DTNBP1: variants seen among roughly 807,000 people sequenced by gnomAD.
The protein encoded by DTNBP1 is dysbindin.
In DTNBP1, 35 loss-of-function variants were observed where a neutral mutation model predicts 42.8. The ratio of observed to expected loss-of-function variants is 0.82; its 90% confidence interval spans 0.63 to 1.09. The LOEUF (loss-of-function observed/expected upper bound fraction) is 1.09, where lower values mean the gene tolerates loss of function less well. DTNBP1 is among the 50% of genes least tolerant of loss of function. DTNBP1 has a pLI of 0.00. For missense variants in DTNBP1, 457 were observed against 424.2 expected, an observed-to-expected ratio of 1.08 and a Z score of -0.68; for synonymous variants, 171 against 162.2, an observed-to-expected ratio of 1.05 and a Z score of -0.41.
At chr6:15,550,804 A>G (rs1041990209) in intron 7 of DTNBP1, among the ~76,000 whole-genome samples, 5 of 152,196 alleles carry the variant, frequency 3.3e-5, no homozygotes, top group African/African-American at 1.2e-4. Context: ...CCTCCCAGGC[A>G]GGCTGGTGTT....
chr6:15,618,310 A>C (rs1758829139), intron 5 of DTNBP1, among the ~76,000 whole-genome samples: 1 of 152,218 alleles, frequency 6.6e-6, no homozygotes, highest in Non-Finnish European at 1.5e-5. Context: ...ACAATGAGAT[A>C]TCATCTCACC....
At chr6:15,531,394 C>A (rs946117889) in intron 8 of DTNBP1, among the ~76,000 whole-genome samples, 1 of 152,152 alleles carries the variant, frequency 6.6e-6, no homozygotes, top group Non-Finnish European at 1.5e-5. Flanking sequence ...GAATCCTGCA[C>A]GTATGCTCGG....
At chr6:15,524,426 T>C (rs1772202019) in intron 9 of DTNBP1, 100 bp downstream of exon 9, 2 of 1,614,014 alleles carry the variant, frequency 1.2e-6, no homozygotes, top group African/African-American at 2.7e-5. Context: ...CTTGGGGGTT[T>C]ATGCGTAAGT....
intron 9 of DTNBP1, 168 bp downstream of exon 9, chr6:15,524,358 C>G (rs762411807): frequency 3.1e-6 from 5 of 1,613,336 alleles, no homozygotes; most frequent in African/African-American, 2.7e-5. Flanking sequence ...ACCACTGTTG[C>G]AGCTGCCACA....
chr6:15,564,307 C>T (rs554950109), intron 7 of DTNBP1, among the ~76,000 whole-genome samples: 13 of 152,034 alleles, frequency 8.6e-5, no homozygotes, highest in Non-Finnish European at 1.5e-4. Flanking sequence ...TACTGTAAAT[C>T]GTATATCTGA....
At chr6:15,582,927 A>T (rs993153433) in intron 7 of DTNBP1, among the ~76,000 whole-genome samples, 1 of 152,316 alleles carries the variant, frequency 6.6e-6, no homozygotes, top group African/African-American at 2.4e-5. Context: ...CTTAGGGTAA[A>T]CACCATTTTC....
intron 5 of DTNBP1, among the ~76,000 whole-genome samples, chr6:15,620,864 G>C (rs1167151645): frequency 6.6e-6 from 1 of 152,180 alleles, no homozygotes; most frequent in African/African-American, 2.4e-5. Context: ...TCTGTGAAGA[G>C]AGAGCTAACA....
chr6:15,539,995 C>T (rs1285314433), intron 7 of DTNBP1, among the ~76,000 whole-genome samples: 1 of 152,102 alleles, frequency 6.6e-6, no homozygotes, highest in Non-Finnish European at 1.5e-5. Context: ...ACAATGTTGG[C>T]CAATAGCTGG....
At chr6:15,589,963 C>T (rs539172789) in intron 7 of DTNBP1, among the ~76,000 whole-genome samples, 2 of 152,278 alleles carry the variant, frequency 1.3e-5, no homozygotes, top group South Asian at 4.1e-4. Context: ...GAGTCTTACT[C>T]TGTTGCCAAG....
At chr6:15,559,804 A>G (rs1774739314) in intron 7 of DTNBP1, among the ~76,000 whole-genome samples, 1 of 152,214 alleles carries the variant, frequency 6.6e-6, no homozygotes, top group Admixed American at 6.5e-5. Flanking sequence ...CTCATCTGCC[A>G]TATTCACTTG....
intron 5 of DTNBP1, among the ~76,000 whole-genome samples, chr6:15,626,583 A>G (rs1317096336): frequency 1.3e-5 from 2 of 152,254 alleles, no homozygotes; most frequent in Admixed American, 1.3e-4. Context: ...AGGAAATAGT[A>G]AGCTGCAATA....
intron 7 of DTNBP1, among the ~76,000 whole-genome samples, chr6:15,585,200 A>C: frequency 6.7e-6 from 1 of 150,142 alleles, no homozygotes; most frequent in East Asian, 1.9e-4. Flanking sequence ...CCATAGAATG[A>C]ATTTTAACTT....
At position 15,523,208 on chromosome 6, in the gene DTNBP1, T is replaced by G; in HGVS notation, c.823A>C (p.Ser275Arg). Residue 275 changes from serine to arginine, a missense_variant, in exon 10 of 10, where the codon AGT becomes CGT. Ser to Arg is a moderately radical substitution (Grantham distance 110, BLOSUM62 -1). Transcript: ENST00000344537. ...VLSPALGPESSTCQNEITLQV... is the reference protein window; with the variant it reads ...VLSPALGPESRTCQNEITLQV... ...AGGGTAATCTCATTCTGACAGGTAC[T>G]GGATTCAGGCCCTGCAAAATAACGT... The G allele has an allele frequency of 6.2e-7, 1 of 1,614,202 alleles. No individual in the cohort carries two copies. Among genetic ancestry groups the G allele is most frequent in the East Asian group, 2.2e-5 (1 of 44,892 alleles).
Position 15,612,266 on chromosome 6 carries a change from G to A in DTNBP1, c.488+3001C>T, listed in dbSNP as rs546921807. On this transcript the variant is annotated intron_variant, in intron 6 of 9. Coordinates refer to ENST00000344537, the MANE Select transcript of DTNBP1 (RefSeq NM_032122.5). ...CAGCAATAAAGTATTTTTAATTAAG[G>A]TATGTACATTGTGCTTTAAGACATA... 2.0e-5 allele frequency among the ~76,000 whole-genome samples: 3 copies of A among 152,154 alleles called. No individual in the cohort carries two copies. In the South Asian group the frequency reaches 6.2e-4, roughly 32 times the overall value.
intron 7 of DTNBP1, among the ~76,000 whole-genome samples, chr6:15,573,163 T>C (rs998253329): frequency 1.2e-4 from 19 of 152,356 alleles, no homozygotes; most frequent in Middle Eastern, 3.4e-3. Flanking sequence ...CCACTTACTT[T>C]TTTTTAGGTA....
At chr6:15,610,043 G>A (rs1292048270) in intron 6 of DTNBP1, among the ~76,000 whole-genome samples, 1 of 152,192 alleles carries the variant, frequency 6.6e-6, no homozygotes, top group Non-Finnish European at 1.5e-5. Context: ...CTTTCACTTA[G>A]TTCCTCTGTT....
At chr6:15,523,873 G>A (rs1032984234) in intron 9 of DTNBP1, 26 of 1,287,094 alleles carry the variant, frequency 2.0e-5, no homozygotes, top group East Asian at 5.6e-5. Context: ...AGCTGAAACC[G>A]TGGTAATGGT....
rs143972585 is a variant in DTNBP1, at chr6:15,565,442, A to C, written c.511+27617T>G. On this transcript the variant is annotated intron_variant, in intron 7 of 9. Transcript: ENST00000344537. ...CTGAAAACAATCCAAATGTCCATTAACTGGGGAATGGATAAATAAAATGTA... is the reference window on the plus strand; with the variant it reads ...CTGAAAACAATCCAAATGTCCATTACCTGGGGAATGGATAAATAAAATGTA... Among the ~76,000 whole-genome samples the C allele has an allele frequency of 5.1e-4, 77 of 152,346 alleles. 1 individual carries two copies. The East Asian group carries it at 0.014, about 27-fold the overall frequency.
At chr6:15,659,355 T>C (rs1304105764) in intron 1 of DTNBP1, among the ~76,000 whole-genome samples, 1 of 152,208 alleles carries the variant, frequency 6.6e-6, no homozygotes, top group African/African-American at 2.4e-5. Flanking sequence ...CAGAAATGCC[T>C]GAGGCCTTCC....
Sources: allele counts gnomAD v4.1 joint callset (sites outside exome capture counted in the v4.1 genomes callset), GRCh38; gene constraint gnomAD v4.1.1; transcripts MANE v1.5; gene names NCBI Gene and HGNC (gene_info 2026-07-23, HGNC 2026-07-21).